NRXN1: variants seen among roughly 807,000 people sequenced by gnomAD.
NRXN1 encodes the protein neurexin-1.
Under a neutral mutation model 150.9 loss-of-function variants are expected in NRXN1, and 39 were observed. The ratio of observed to expected loss-of-function variants is 0.26; its 90% CI spans 0.20 to 0.34. The LOEUF is 0.34. NRXN1 is among the 10% of genes least tolerant of loss of function. NRXN1 has a pLI of 1.00. For missense variants in NRXN1, 1,815 were observed against 1,949.9 expected (o/e 0.93, Z 1.30); for synonymous variants, 924 against 757.0 (o/e 1.22, Z -3.62).
At chr2:49,947,457 A>G (rs752821751) in intron 21 of NRXN1, among the ~76,000 whole-genome samples, 14 of 144,294 alleles carry the variant, frequency 9.7e-5, no homozygotes, top group Non-Finnish European at 2.1e-4. Flanking sequence ...ACTGCTAAAC[A>G]TTCTTTTCTT....
At chr2:50,973,961 T>C (rs1171158379) in intron 2 of NRXN1, among the ~76,000 whole-genome samples, 1 of 151,808 alleles carries the variant, frequency 6.6e-6, no homozygotes, top group Admixed American at 6.6e-5. Context: ...AAGAATAAAA[T>C]ATGCAGTCCT....
At chr2:50,735,435 G>A (rs1698618517) in intron 5 of NRXN1, among the ~76,000 whole-genome samples, 1 of 152,008 alleles carries the variant, frequency 6.6e-6, no homozygotes, top group Non-Finnish European at 1.5e-5. Context: ...AGAAAGAGAG[G>A]CACACAATTT....
chr2:50,364,593 C>T (rs2153012851), intron 17 of NRXN1, among the ~76,000 whole-genome samples: 1 of 152,176 alleles, frequency 6.6e-6, no homozygotes, highest in South Asian at 2.1e-4. Flanking sequence ...CACAGTTGTC[C>T]AATTGAGACC....
chr2:50,260,381 T>G (rs999369024), intron 17 of NRXN1, among the ~76,000 whole-genome samples: 1 of 151,876 alleles, frequency 6.6e-6, no homozygotes, highest in Non-Finnish European at 1.5e-5. Flanking sequence ...TGGTGCCACC[T>G]TAACAAGTGT....
Position 50,236,791 on chromosome 2 carries a change from T to C in NRXN1, c.3544A>G (p.Ile1182Val). 1 of 1,612,734 alleles carries C rather than the reference T, an allele frequency of 6.2e-7. No homozygotes were observed. The highest frequency in any genetic ancestry group is 8.5e-7 in the Non-Finnish European group (1 of 1,179,224). Residue 1182 changes from isoleucine to valine, a missense_variant and splice_region_variant, in exon 18 of 23, where the codon ATA (isoleucine) becomes GTA (valine). Physicochemically the swap from Ile to Val is conservative, Grantham distance 29 (BLOSUM62 3). Transcript: ENST00000401669. ...SGLGDYLELH[I>V]HQGKIGVKFN... Reference sequence around the variant, plus strand: ...AATCTTATGCAAAAAGTACTTACTATATGCAGTTCTAGGTAGTCACCCAAG... The same window carrying C: ...AATCTTATGCAAAAAGTACTTACTACATGCAGTTCTAGGTAGTCACCCAAG...
chr2:50,320,312 A>ATATATATATATGTG (rs1558519070), intron 17 of NRXN1, among the ~76,000 whole-genome samples: 8 of 125,352 alleles, frequency 6.4e-5, no homozygotes, highest in African/African-American at 1.9e-4. Context: ...ATATATATAT[A>ATATATATATATGTG]TATATATATA....
chr2:50,147,471 C>A (rs2058412687), intron 18 of NRXN1, among the ~76,000 whole-genome samples: 1 of 151,732 alleles, frequency 6.6e-6, no homozygotes, highest in Admixed American at 6.6e-5. Context: ...GGGTCCACCT[C>A]TGAACACTTG....
Position 50,900,313 on chromosome 2 carries a change from A to C in NRXN1, c.832+21556T>G, listed in dbSNP as rs1207537148. ...CTCACCATATCCTATATCACATTAC[A>C]CTTCAACTCTCCAGTGGAAGGGTAA... On this transcript the variant is annotated intron_variant, in intron 5 of 22. Transcript: ENST00000401669. Among the ~76,000 whole-genome samples the C allele has an allele frequency of 3.3e-5, 5 of 152,116 alleles. No homozygotes were observed. The East Asian group carries it at 9.7e-4, about 29-fold the overall frequency.
intron 17 of NRXN1, among the ~76,000 whole-genome samples, chr2:50,429,708 T>C (rs535097010): frequency 2.0e-5 from 3 of 152,192 alleles, no homozygotes; most frequent in African/African-American, 4.8e-5. Context: ...TAATTTTGTA[T>C]GTATTACCTA....
intron 5 of NRXN1, chr2:50,696,252 T>C (rs903885952): frequency 1.3e-5 from 2 of 152,216 alleles, no homozygotes; most frequent in Admixed American, 6.6e-5. Flanking sequence ...CACACACACG[T>C]ATATCACAGA....
chr2:50,717,329 A>G (rs1188161983), intron 5 of NRXN1, among the ~76,000 whole-genome samples: 1 of 152,140 alleles, frequency 6.6e-6, no homozygotes, highest in Admixed American at 6.5e-5. Flanking sequence ...TCATCACACT[A>G]CATGTACTTC....
At chr2:50,145,411 C>T (rs1707860081) in intron 18 of NRXN1, among the ~76,000 whole-genome samples, 1 of 151,562 alleles carries the variant, frequency 6.6e-6, no homozygotes, top group African/African-American at 2.4e-5. Context: ...ATAATATCGT[C>T]TTACATAATC....
At chr2:50,855,056 C>T (rs1675076427) in intron 5 of NRXN1, among the ~76,000 whole-genome samples, 1 of 152,066 alleles carries the variant, frequency 6.6e-6, no homozygotes, top group Middle Eastern at 3.4e-3. Flanking sequence ...TCTCTAGACA[C>T]ACCGGGGTTG....
At chr2:50,847,013 A>G (rs771022632) in intron 5 of NRXN1, among the ~76,000 whole-genome samples, 2 of 152,208 alleles carry the variant, frequency 1.3e-5, no homozygotes, top group Non-Finnish European at 1.5e-5. Flanking sequence ...GGAGAAACTT[A>G]GTAAGACCTG....
intron 17 of NRXN1, among the ~76,000 whole-genome samples, chr2:50,418,622 C>G (rs2083733758): frequency 6.6e-6 from 1 of 151,888 alleles, no homozygotes. Context: ...TCATTAAAAG[C>G]AAATTTTTAA....
chr2:50,358,115 C>A (rs995605778), intron 17 of NRXN1, among the ~76,000 whole-genome samples: 2 of 152,152 alleles, frequency 1.3e-5, no homozygotes, highest in Non-Finnish European at 2.9e-5. Context: ...GGTGCCTACA[C>A]CACAAGGGAC....
At chr2:50,417,917 A>T (rs1005225872) in intron 17 of NRXN1, among the ~76,000 whole-genome samples, 14 of 151,988 alleles carry the variant, frequency 9.2e-5, no homozygotes, top group African/African-American at 3.4e-4. Flanking sequence ...GAAGGCTAAA[A>T]TATCACATGT....
At chr2:50,989,143 TAAAC>T (rs1558543092) in intron 2 of NRXN1, among the ~76,000 whole-genome samples, 1 of 151,990 alleles carries the variant, frequency 6.6e-6, no homozygotes, top group Non-Finnish European at 1.5e-5. Context: ...CAGTGAGAAA[TAAAC>T]AACATAGTAA....
At chr2:50,468,197 A>G (rs1199998871) in intron 16 of NRXN1, among the ~76,000 whole-genome samples, 4 of 151,626 alleles carry the variant, frequency 2.6e-5, no homozygotes, top group East Asian at 3.9e-4. Context: ...TGTTTTTTCA[A>G]AAATTATCAG....
Sources: allele counts gnomAD v4.1 joint callset (sites outside exome capture counted in the v4.1 genomes callset), GRCh38; gene constraint gnomAD v4.1.1; transcripts MANE v1.5; gene names NCBI Gene and HGNC (gene_info 2026-07-23, HGNC 2026-07-21).